Variants in MPP7 observed in about 807,000 individuals in gnomAD.
MPP7 encodes the protein MAGUK p55 subfamily member 7.
MPP7 carries 60 observed loss-of-function variants against 76.5 expected under a neutral mutation model. The observed-to-expected ratio is 0.78, with a 90% CI of 0.64 to 0.97. The LOEUF (loss-of-function observed/expected upper bound fraction) is 0.97. Among genes scored for constraint, MPP7 ranks in the 50% least tolerant of loss-of-function variants. The probability of loss-of-function intolerance (pLI) is 0.00; values close to 1 mark genes in which losing one functional copy is unlikely to be tolerated. For synonymous variants in MPP7, 237 were observed against 244.5 expected, an observed-to-expected ratio of 0.97 and a Z score of 0.29; for missense variants, 641 against 694.0, an observed-to-expected ratio of 0.92 and a Z score of 0.86.
chr10:28,140,265 C>G (rs1261771693), intron 5 of MPP7, among the ~76,000 whole-genome samples: 1 of 152,190 alleles, frequency 6.6e-6, no homozygotes, highest in Non-Finnish European at 1.5e-5. Flanking sequence ...AATCCTAACA[C>G]TTTGGTAGGC....
At chr10:28,133,370 C>T (rs1453325147) in intron 5 of MPP7, among the ~76,000 whole-genome samples, 3 of 152,168 alleles carry the variant, frequency 2.0e-5, no homozygotes, top group Non-Finnish European at 2.9e-5. Flanking sequence ...TCTTACACTG[C>T]CCTCCTCCTC....
chr10:28,144,123 C>T (rs898666027), intron 5 of MPP7, among the ~76,000 whole-genome samples: 4 of 151,928 alleles, frequency 2.6e-5, no homozygotes, highest in African/African-American at 7.3e-5. Flanking sequence ...TCCTGACCTC[C>T]GGTGATCAGC....
intron 11 of MPP7, among the ~76,000 whole-genome samples, chr10:28,101,584 G>T (rs896523723): frequency 6.6e-6 from 1 of 152,040 alleles, no homozygotes; most frequent in Non-Finnish European, 1.5e-5. Flanking sequence ...TGTTTTAAAA[G>T]AATGTATGAA....
chr10:28,289,016 C>G (rs777786160), intron 1 of MPP7, among the ~76,000 whole-genome samples: 2 of 152,052 alleles, frequency 1.3e-5, no homozygotes, highest in African/African-American at 2.4e-5. Flanking sequence ...AATAGCTAAC[C>G]AGGCCAGGCA....
intron 2 of MPP7, among the ~76,000 whole-genome samples, chr10:28,234,837 G>A (rs1409507038): frequency 6.6e-6 from 1 of 151,998 alleles, no homozygotes; most frequent in Non-Finnish European, 1.5e-5. Flanking sequence ...TTGAGACAGG[G>A]TCTCACTCCA....
At chr10:28,323,578 C>G (rs1244101161) in intron 2 of MPP7, among the ~76,000 whole-genome samples, 3 of 152,108 alleles carry the variant, frequency 2.0e-5, no homozygotes, top group Non-Finnish European at 4.4e-5. Context: ...GGCACAGTGG[C>G]TCAAGCCTGT....
chr10:28,088,597 A>G (rs1853133700), intron 12 of MPP7, among the ~76,000 whole-genome samples: 1 of 152,100 alleles, frequency 6.6e-6, no homozygotes, highest in Non-Finnish European at 1.5e-5. Flanking sequence ...TCTTTTCTTC[A>G]TAAATTACCC....
At chr10:28,116,267 A>G (rs1834660959) in intron 11 of MPP7, among the ~76,000 whole-genome samples, 2 of 152,150 alleles carry the variant, frequency 1.3e-5, no homozygotes, top group Non-Finnish European at 2.9e-5. Flanking sequence ...AACAAACAAT[A>G]CCACAAATGA....
At chr10:28,206,164 C>A (rs1195066162) in intron 2 of MPP7, among the ~76,000 whole-genome samples, 2 of 152,138 alleles carry the variant, frequency 1.3e-5, no homozygotes, top group African/African-American at 2.4e-5. Context: ...GGCAAAGTTC[C>A]TAAGAATCAA....
intron 11 of MPP7, among the ~76,000 whole-genome samples, chr10:28,113,207 C>T (rs1834558347): frequency 6.6e-6 from 1 of 152,174 alleles, no homozygotes; most frequent in African/African-American, 2.4e-5. Flanking sequence ...AGAAGGAAAG[C>T]TTGCTTGGGT....
intron 2 of MPP7, among the ~76,000 whole-genome samples, chr10:28,317,713 G>A (rs369085426): frequency 3.2e-4 from 49 of 152,180 alleles, no homozygotes; most frequent in African/African-American, 1.1e-3. Context: ...TGATACAGTG[G>A]CAGGAAAGTG....
At chr10:28,157,467 C>T (rs1297899132) in intron 3 of MPP7, among the ~76,000 whole-genome samples, 1 of 152,172 alleles carries the variant, frequency 6.6e-6, no homozygotes. Context: ...GACTATTAGA[C>T]AGGAATCAGA....
At chr10:28,246,341 C>G (rs938504300) in intron 1 of MPP7, among the ~76,000 whole-genome samples, 1 of 152,052 alleles carries the variant, frequency 6.6e-6, no homozygotes, top group African/African-American at 2.4e-5. Flanking sequence ...AAGACTACAT[C>G]TGACAAAACT....
At chr10:28,255,208 G>C (rs987110449) in intron 1 of MPP7, among the ~76,000 whole-genome samples, 1 of 152,038 alleles carries the variant, frequency 6.6e-6, no homozygotes, top group African/African-American at 2.4e-5. Context: ...CTGCCTCCCA[G>C]GTTCAAGTGA....
At chr10:28,266,674 A>G (rs900616455) in intron 1 of MPP7, among the ~76,000 whole-genome samples, 4 of 152,226 alleles carry the variant, frequency 2.6e-5, no homozygotes, top group Non-Finnish European at 5.9e-5. Flanking sequence ...TCATTTTTGT[A>G]ATCACTTTCT....
chr10:28,200,546 G>A (rs1042194415), intron 3 of MPP7, among the ~76,000 whole-genome samples: 1 of 152,150 alleles, frequency 6.6e-6, no homozygotes, highest in Non-Finnish European at 1.5e-5. Flanking sequence ...ACTCAAGCCA[G>A]TGTAACTAAG....
chr10:28,224,568 T>C (rs1249189692), intron 2 of MPP7, among the ~76,000 whole-genome samples: 3 of 152,214 alleles, frequency 2.0e-5, no homozygotes, highest in Non-Finnish European at 4.4e-5. Flanking sequence ...TTCATTAAAT[T>C]AAAAACATGA....
chr10:28,155,694 G>A (rs1404495219), intron 3 of MPP7, among the ~76,000 whole-genome samples: 4 of 152,148 alleles, frequency 2.6e-5, no homozygotes, highest in Admixed American at 1.3e-4. Flanking sequence ...CAGATTTGGG[G>A]AGGAAGGGAG....
intron 3 of MPP7, among the ~76,000 whole-genome samples, chr10:28,194,584 G>A (rs1001545124): frequency 1.3e-5 from 2 of 152,116 alleles, no homozygotes; most frequent in Non-Finnish European, 2.9e-5. Context: ...AGACTTGATG[G>A]AGCCCTAAAT....
Sources: gnomAD v4.1 joint callset for allele counts (sites outside exome capture counted in the v4.1 genomes callset) on GRCh38, gnomAD v4.1.1 for gene constraint, MANE v1.5 for transcripts, NCBI Gene and HGNC (gene_info 2026-07-23, HGNC 2026-07-21) for gene names.